Variants in ATP2C1 observed in about 807,000 individuals in gnomAD.
The protein encoded by ATP2C1 is calcium-transporting ATPase type 2C member 1.
In ATP2C1, 31 loss-of-function variants were observed where a neutral mutation model predicts 120.5. That is an observed-to-expected ratio of 0.26 (90% confidence interval 0.19 to 0.35). The LOEUF (loss-of-function observed/expected upper bound fraction) is 0.35. ATP2C1 is among the 10% of genes least tolerant of loss of function. The probability of loss-of-function intolerance (pLI) is 1.00; values close to 1 mark genes in which losing one functional copy is unlikely to be tolerated. For synonymous variants in ATP2C1, 351 were observed against 358.7 expected (o/e 0.98, Z 0.24); for missense variants, 731 against 1,107.5 (o/e 0.66, Z 4.83).
chr3:130,885,090 C>A (rs754674806), intron 1 of ATP2C1, among the ~76,000 whole-genome samples: 34 of 152,008 alleles, frequency 2.2e-4, no homozygotes, highest in Non-Finnish European at 3.5e-4. Context: ...CCTGCGACAA[C>A]GCCCAGCTAA....
chr3:130,867,534 C>T (rs1249188751), intron 1 of ATP2C1, among the ~76,000 whole-genome samples: 3 of 148,956 alleles, frequency 2.0e-5, no homozygotes, highest in African/African-American at 5.0e-5. Context: ...GCGAGTGATC[C>T]GCCAGCCTCG....
intron 8 of ATP2C1, among the ~76,000 whole-genome samples, chr3:130,946,357 G>C (rs1159006802): frequency 1.3e-5 from 2 of 152,206 alleles, no homozygotes. Flanking sequence ...GTTTGGCTCA[G>C]TGAGTAGTTT....
chr3:130,891,433 C>T (rs1239883260), upstream of ATP2C1, among the ~76,000 whole-genome samples: 2 of 152,258 alleles, frequency 1.3e-5, no homozygotes, highest in Non-Finnish European at 1.5e-5. Flanking sequence ...TGTAATATTT[C>T]CCCCAAGCGG....
chr3:130,977,013 C>T (rs1005394007), intron 18 of ATP2C1, among the ~76,000 whole-genome samples: 1 of 152,180 alleles, frequency 6.6e-6, no homozygotes, highest in Non-Finnish European at 1.5e-5. Flanking sequence ...TCCCCTTACA[C>T]TCCTCAACTT....
intron 2 of ATP2C1, among the ~76,000 whole-genome samples, chr3:130,929,308 T>G (rs1037720550): frequency 1.8e-4 from 28 of 152,292 alleles, no homozygotes; most frequent in African/African-American, 5.3e-4. Flanking sequence ...GAGAGAAGAC[T>G]TTTTTTCCTC....
At chr3:130,871,464 G>A (rs1420756602) in intron 1 of ATP2C1, among the ~76,000 whole-genome samples, 1 of 152,244 alleles carries the variant, frequency 6.6e-6, no homozygotes, top group Non-Finnish European at 1.5e-5. Flanking sequence ...TGGGGCCCAA[G>A]AGTCTGCATT....
intron 1 of ATP2C1, among the ~76,000 whole-genome samples, chr3:130,853,790 A>G (rs2067752201): frequency 6.6e-6 from 1 of 152,102 alleles, no homozygotes; most frequent in Admixed American, 6.5e-5. Context: ...ACTGGATGTT[A>G]TCTTGTTCTT....
chr3:130,985,040 CTG>C (rs1473465254), intron 20 of ATP2C1, among the ~76,000 whole-genome samples: 3 of 152,188 alleles, frequency 2.0e-5, no homozygotes, highest in African/African-American at 7.2e-5. Flanking sequence ...CACTTTATAA[CTG>C]TGGGTCATTT....
chr3:130,914,425 A>C (rs929033987), intron 2 of ATP2C1: 9 of 152,156 alleles, frequency 5.9e-5, no homozygotes, highest in Non-Finnish European at 1.3e-4. Flanking sequence ...CAATCAGTTG[A>C]GATAACTCAA....
chr3:130,894,538 A>G lies in ATP2C1; in HGVS notation c.-180-52A>G, dbSNP rs1576613960. The G allele has an allele frequency of 4.6e-5, 63 of 1,360,802 alleles. No individual in the cohort carries two copies. Among genetic ancestry groups the G allele is most frequent in the South Asian group, 1.4e-4 (8 of 55,852 alleles). 84.3% of individuals were successfully genotyped at this position (1,360,802 alleles called of 1,614,324 possible). ...CTCCCGAGATAGTGGCTGGGCGGGG[A>G]ACTCCTTCCTCAGCCTCTCGTCAGC... On this transcript the variant is annotated intron_variant, in intron 1 of 27. Coordinates refer to ENST00000510168, the MANE Select transcript of ATP2C1 (RefSeq NM_001378687.1). This position sits in a 1 kb window ranked among gnomAD's most constrained non-coding sequence, Gnocchi z 4.5.
chr3:130,897,556 T>C (rs2069741858), intron 2 of ATP2C1, among the ~76,000 whole-genome samples: 1 of 152,142 alleles, frequency 6.6e-6, no homozygotes, highest in African/African-American at 2.4e-5. Flanking sequence ...CATTTGTGGG[T>C]GTGAACAGTG....
At chr3:130,923,438 C>T (rs573159452) in intron 2 of ATP2C1, among the ~76,000 whole-genome samples, 5 of 152,050 alleles carry the variant, frequency 3.3e-5, no homozygotes, top group South Asian at 2.1e-4. Flanking sequence ...ATGCTGGTCT[C>T]GAACTCCTGC....
chr3:130,994,168 G>T (rs1248812329), intron 22 of ATP2C1, 70 bp downstream of exon 22: 3 of 1,560,322 alleles, frequency 1.9e-6, no homozygotes, highest in Admixed American at 3.4e-5. Flanking sequence ...CACCCCTAGA[G>T]AATTCAACTG....
At chr3:130,914,104 A>G (rs1160570379) in intron 2 of ATP2C1, among the ~76,000 whole-genome samples, 1 of 152,052 alleles carries the variant, frequency 6.6e-6, no homozygotes, top group Non-Finnish European at 1.5e-5. Context: ...GTTTCCTCCA[A>G]CTGTTACTGT....
At chr3:130,980,721 C>T (rs1302789323) in intron 20 of ATP2C1, 42 bp downstream of exon 20, 1 of 1,367,904 alleles carries the variant, frequency 7.3e-7, no homozygotes, top group South Asian at 1.2e-5. Flanking sequence ...AGGCCTTATT[C>T]TAAGTGTTAC....
intron 16 of ATP2C1, among the ~76,000 whole-genome samples, chr3:130,968,633 G>A (rs1006786092): frequency 6.6e-6 from 1 of 152,168 alleles, no homozygotes; most frequent in Non-Finnish European, 1.5e-5. Context: ...TTTTATAGAC[G>A]CTGTATGTGG....
At chr3:130,854,685 G>T (rs372268248) in intron 1 of ATP2C1, among the ~76,000 whole-genome samples, 8 of 152,260 alleles carry the variant, frequency 5.3e-5, no homozygotes, top group African/African-American at 1.9e-4. Context: ...GGGGAGTACT[G>T]CTCTTAGGGG....
At chr3:130,864,510 C>T (rs1335480257) in intron 1 of ATP2C1, among the ~76,000 whole-genome samples, 1 of 152,216 alleles carries the variant, frequency 6.6e-6, no homozygotes, top group Non-Finnish European at 1.5e-5. Context: ...ATGATAATCC[C>T]CAAGACCATG....
At chr3:131,014,499 C>G (rs2063495239) in intron 26 of ATP2C1, 1 of 987,246 alleles carries the variant, frequency 1.0e-6, no homozygotes, top group African/African-American at 1.7e-5. Context: ...GCTCTTATTG[C>G]TCTATAATAT....
Sources: allele counts gnomAD v4.1 joint callset (sites outside exome capture counted in the v4.1 genomes callset), GRCh38; gene constraint gnomAD v4.1.1; non-coding constraint Gnocchi (gnomAD v3.1); transcripts MANE v1.5; gene names NCBI Gene and HGNC (gene_info 2026-07-23, HGNC 2026-07-21).